Variants in GPR83 observed in about 807,000 individuals in gnomAD.
GPR83 encodes G protein-coupled receptor 83, also known as G-protein coupled receptor 72.
Under a neutral mutation model 28.0 loss-of-function variants are expected in GPR83, and 23 were observed. The observed-to-expected ratio is 0.82, with a 90% confidence interval of 0.59 to 1.16. GPR83 has a LOEUF of 1.16. Ranked by LOEUF, GPR83 falls within the 50% of genes most tolerant of loss-of-function variation. The pLI, the probability that GPR83 is intolerant of heterozygous loss-of-function variation, is 0.00. For missense variants in GPR83, 610 were observed against 536.6 expected (o/e 1.14, Z -1.35); for synonymous variants, 234 against 215.4 (o/e 1.09, Z -0.76).
At chr11:94,383,301 C>T (rs927525212) in intron 3 of GPR83, among the ~76,000 whole-genome samples, 3 of 152,048 alleles carry the variant, frequency 2.0e-5, no homozygotes, top group African/African-American at 7.2e-5. Context: ...AATGAAGACA[C>T]AACGTACCAG....
At chr11:94,382,864 G>T (rs921704042) in intron 3 of GPR83, among the ~76,000 whole-genome samples, 1 of 151,990 alleles carries the variant, frequency 6.6e-6, no homozygotes, top group Non-Finnish European at 1.5e-5. Context: ...TAGAACTCAG[G>T]ATTAAGAAAC....
At position 94,393,581 on chromosome 11, in the gene GPR83, G is replaced by C; in HGVS notation, c.551C>G (p.Thr184Arg). ...GACAGCGATGTAGATGACACCCTTT[G>C]TGATTGAGATCCGGGGTTTCAAGGG... ...MHPLKPRISI[T>R]KGVIYIAVIW... Residue 184 changes from threonine to arginine, a missense_variant, in exon 3 of 4, where the codon ACA becomes AGA. Physicochemically the swap from Thr to Arg is moderately conservative, Grantham distance 71 (BLOSUM62 -1). Transcript: ENST00000243673. 6.2e-7 allele frequency: 1 copy of C among 1,613,854 alleles called. No homozygotes were observed. The highest frequency in any genetic ancestry group is 8.5e-7 in the Non-Finnish European group (1 of 1,179,710).
chr11:94,385,872 G>C (rs1944749591), intron 3 of GPR83, among the ~76,000 whole-genome samples: 2 of 152,122 alleles, frequency 1.3e-5, no homozygotes, highest in Non-Finnish European at 1.5e-5. Context: ...TGCTCAAGAA[G>C]AGCAACTCCA....
In GPR83 at chr11:94,396,505, G is replaced by C; in HGVS notation, c.407C>G (p.Thr136Arg). Reference protein sequence around the residue: ...PFTLVRFVNSTWIFGKGMCHV... With the variant: ...PFTLVRFVNSRWIFGKGMCHV... ...GCACATGCCCTTCCCAAATATCCAT[G>C]TGCTGTTCACAAAGCGAACCTGGAG... is the stretch of plus-strand genomic sequence containing the variant. The change falls in exon 2 of 4, where the codon ACA becomes AGA. Residue 136 changes from threonine (T) to arginine (R), a missense_variant. Physicochemically the swap from Thr to Arg is moderately conservative, Grantham distance 71. Transcript: ENST00000243673. 6.2e-7 allele frequency: 1 copy of C among 1,614,006 alleles called. No homozygotes were observed. The highest frequency in any genetic ancestry group is 1.7e-5 in the Admixed American group (1 of 60,024).
intron 3 of GPR83, among the ~76,000 whole-genome samples, chr11:94,382,085 G>T (rs1280756385): frequency 1.3e-5 from 2 of 152,160 alleles, no homozygotes; most frequent in African/African-American, 4.8e-5. Flanking sequence ...CAGCACGGTG[G>T]CTCATGCCTG....
intron 3 of GPR83, among the ~76,000 whole-genome samples, chr11:94,388,473 A>C (rs1591604273): frequency 6.6e-6 from 1 of 152,102 alleles, no homozygotes; most frequent in Admixed American, 6.5e-5. Context: ...ACTTCAGCAA[A>C]GTCTCAGGAT....
rs1404563657 is a variant in GPR83, at chr11:94,377,412, C to T, written c.*2737G>A. The T allele has an allele frequency of 2.0e-5, 3 of 152,168 alleles. No individual in the cohort carries two copies. Among genetic ancestry groups the T allele is most frequent in the Non-Finnish European group, 4.4e-5 (3 of 68,024 alleles). The allele number at this position is 152,168 out of a possible 1,614,324, so 9.4% of individuals were successfully genotyped here. ...ACTCAAGTTTCACAAATTTTACATT[C>T]ACAAAAAGAAGTCACTTTTTGCTCA... On this transcript the variant is annotated 3_prime_UTR_variant, in exon 4 of 4. Coordinates refer to ENST00000243673, the MANE Select transcript of GPR83 (RefSeq NM_016540.4).
intron 1 of GPR83, among the ~76,000 whole-genome samples, chr11:94,398,206 T>C (rs1944883236): frequency 6.6e-6 from 1 of 152,218 alleles, no homozygotes; most frequent in African/African-American, 2.4e-5. Context: ...TTCACACTCC[T>C]GACAGCATTT....
Position 94,377,550 on chromosome 11 carries a change from C to A in GPR83, c.*2599G>T, listed in dbSNP as rs1284821627. On this transcript the variant is annotated 3_prime_UTR_variant, in exon 4 of 4. Coordinates refer to ENST00000243673, the MANE Select transcript of GPR83 (RefSeq NM_016540.4). ...GGCAGTACTGAAGGTCCCGGACTAA[C>A]AATGATTCAACTTAGGATTTTTAAA... 1 of 152,114 alleles carries A rather than the reference C, an allele frequency of 6.6e-6. No homozygotes were observed. The highest frequency in any genetic ancestry group is 2.1e-4 in the South Asian group (1 of 4,824). The allele number at this position is 152,114 out of a possible 1,614,324, so 9.4% of individuals were successfully genotyped here. A position where few individuals can be genotyped will look rare whatever the true frequency, so the allele number is the denominator to read the frequency against.
At chr11:94,396,843 C>A (rs185499651) in intron 1 of GPR83, among the ~76,000 whole-genome samples, 1 of 150,346 alleles carries the variant, frequency 6.7e-6, no homozygotes, top group African/African-American at 2.4e-5. Flanking sequence ...AGATAGGTAA[C>A]CTCTCTGAAT....
intron 3 of GPR83, among the ~76,000 whole-genome samples, chr11:94,388,023 T>C (rs575595621): frequency 6.6e-6 from 1 of 152,070 alleles, no homozygotes; most frequent in Non-Finnish European, 1.5e-5. Flanking sequence ...GTTCAACATA[T>C]ACAAATCAAT....
chr11:94,386,569 C>A (rs111472043), intron 3 of GPR83, among the ~76,000 whole-genome samples: 1 of 151,782 alleles, frequency 6.6e-6, no homozygotes, highest in African/African-American at 2.4e-5. Flanking sequence ...ATAAAACAGA[C>A]TTTAAACCAA....
At chr11:94,392,507 C>A (rs1944826585) in intron 3 of GPR83, among the ~76,000 whole-genome samples, 1 of 151,968 alleles carries the variant, frequency 6.6e-6, no homozygotes, top group South Asian at 2.1e-4. Context: ...TGACCACCAC[C>A]ACCACCATCA....
chr11:94,380,879 G>T, intron 3 of GPR83, 106 bp from the exon 4 acceptor site: 1 of 927,010 alleles, frequency 1.1e-6, no homozygotes, highest in Non-Finnish European at 1.6e-6. Context: ...CTGGGCTCCT[G>T]GTACATCCAT....
In GPR83 at chr11:94,379,880, T is replaced by C. The variant is rs1057041019; in HGVS notation, c.*269A>G. 16 of 301,426 alleles carry C rather than the reference T, an allele frequency of 5.3e-5. No homozygotes were observed. The highest frequency in any genetic ancestry group is 8.6e-5 in the Non-Finnish European group (14 of 163,038). 18.7% of individuals were successfully genotyped at this position (301,426 alleles called of 1,614,324 possible). A position where few individuals can be genotyped will look rare whatever the true frequency, so the allele number is the denominator to read the frequency against. The stretch of plus-strand genomic sequence containing the variant: ...TCAGCCCCCATCTGGGCCAACGTTG[T>C]CCTCGCTCCTCTTCCTCAGAGATAC... On this transcript the variant is annotated 3_prime_UTR_variant, in exon 4 of 4. Transcript: ENST00000243673.
intron 3 of GPR83, among the ~76,000 whole-genome samples, chr11:94,390,143 G>A (rs1944802436): frequency 6.6e-6 from 1 of 151,960 alleles, no homozygotes; most frequent in African/African-American, 2.4e-5. Context: ...ACACAGGAAG[G>A]GGAATATCAC....
chr11:94,399,033 G>A (rs538014587), intron 1 of GPR83, among the ~76,000 whole-genome samples: 86 of 152,222 alleles, frequency 5.6e-4, no homozygotes, highest in African/African-American at 1.9e-3. Flanking sequence ...CGCGTCCATG[G>A]CCTCCCTACC....
At chr11:94,393,351 G>A (rs1254034520) in intron 3 of GPR83, 134 bp downstream of exon 3, 2 of 748,212 alleles carry the variant, frequency 2.7e-6, no homozygotes, top group Non-Finnish European at 4.5e-6. Context: ...GAGCGAGCCA[G>A]AGAAAGACTC....
At chr11:94,390,163 A>T (rs1336180811) in intron 3 of GPR83, among the ~76,000 whole-genome samples, 1 of 150,560 alleles carries the variant, frequency 6.6e-6, no homozygotes, top group Non-Finnish European at 1.5e-5. Flanking sequence ...CACACTGGGG[A>T]CTGTTGTGGG....
Sources: allele counts gnomAD v4.1 joint callset (sites outside exome capture counted in the v4.1 genomes callset), GRCh38; gene constraint gnomAD v4.1.1; transcripts MANE v1.5; gene names NCBI Gene and HGNC (gene_info 2026-07-23, HGNC 2026-07-21).